The following RPH3A variants were observed in gnomAD, a reference collection of about 807,000 sequenced individuals.
RPH3A encodes the protein rabphilin 3A.
In RPH3A, 48 loss-of-function variants were observed where a neutral mutation model predicts 102.2. That is an observed-to-expected ratio of 0.47 (90% CI 0.37 to 0.60). The LOEUF (loss-of-function observed/expected upper bound fraction) is 0.60, where lower values mean the gene tolerates loss of function less well. Ranked by LOEUF, RPH3A falls within the 20% of genes least tolerant of loss-of-function variation. The pLI is 0.00. For synonymous variants in RPH3A, 310 were observed against 324.3 expected (o/e 0.96, Z 0.47); for missense variants, 781 against 910.1 (o/e 0.86, Z 1.83).
intron 1 of RPH3A, among the ~76,000 whole-genome samples, chr12:112,632,144 C>A (rs1002654110): frequency 4.6e-5 from 7 of 152,148 alleles, no homozygotes; most frequent in African/African-American, 1.4e-4. Context: ...TCTCTCTCTG[C>A]CTGCTGCCAT....
intron 1 of RPH3A, among the ~76,000 whole-genome samples, chr12:112,725,877 C>T (rs1263027067): frequency 6.6e-6 from 1 of 151,686 alleles, no homozygotes; most frequent in Admixed American, 6.6e-5. Flanking sequence ...CTCACTGCAA[C>T]CTCTGCCTCC....
chr12:112,693,990 A>T (rs1033424046), intron 1 of RPH3A, among the ~76,000 whole-genome samples: 10 of 152,138 alleles, frequency 6.6e-5, no homozygotes, highest in African/African-American at 2.4e-4. Flanking sequence ...ATGGCTTTCT[A>T]ACTGGTATCT....
intron 5 of RPH3A, among the ~76,000 whole-genome samples, chr12:112,851,067 A>C (rs1165366341): frequency 6.6e-6 from 1 of 152,190 alleles, no homozygotes; most frequent in African/African-American, 2.4e-5. Context: ...AGTGAAAGCT[A>C]TCTGGGAGAG....
At chr12:112,728,148 A>G (rs2040608347) in intron 1 of RPH3A, among the ~76,000 whole-genome samples, 1 of 152,118 alleles carries the variant, frequency 6.6e-6, no homozygotes, top group African/African-American at 2.4e-5. Flanking sequence ...TTTTTAGTCT[A>G]TTCTAGGTAC....
intron 1 of RPH3A, among the ~76,000 whole-genome samples, chr12:112,598,442 C>G (rs184086463): frequency 4.6e-5 from 7 of 152,208 alleles, no homozygotes; most frequent in Admixed American, 3.3e-4. Flanking sequence ...TTTTTGTCCC[C>G]CTGAATGATA....
At chr12:112,831,155 G>A (rs1453875567) in intron 3 of RPH3A, among the ~76,000 whole-genome samples, 1 of 150,922 alleles carries the variant, frequency 6.6e-6, no homozygotes, top group African/African-American at 2.4e-5. Flanking sequence ...TTGGCCTGTA[G>A]GCTATAGTTT....
rs570681731 is a variant in RPH3A, at chr12:112,770,792, T to C, written c.-139-21351T>C. 4.1e-4 allele frequency among the ~76,000 whole-genome samples: 63 copies of C among 152,354 alleles called. 1 individual carries two copies. The South Asian group carries it at 5.6e-3, about 14-fold the overall frequency. On this transcript the variant is annotated intron_variant, in intron 1 of 21. Coordinates refer to the RPH3A transcript ENST00000543106. ...TGGCAGAAAATATAATTGAACACAA[T>C]TGCATGTTTCACTTGAATGCTTGGG...
intron 2 of RPH3A, among the ~76,000 whole-genome samples, chr12:112,813,720 C>CA (rs1437893262): frequency 1.3e-5 from 2 of 149,906 alleles, no homozygotes; most frequent in South Asian, 2.1e-4. Flanking sequence ...GCTGCAACCT[C>CA]AAAAAAACCC....
rs547290914 is a variant in RPH3A, at chr12:112,847,092, G to A, written c.84-604G>A. On this transcript the variant is annotated intron_variant, in intron 4 of 21. Transcript: ENST00000389385. Reference sequence around the variant, plus strand: ...TACATGAGAGATAATAAGCTGAGGCGGGCACACAGTGGGCATGTGTGAGAG... The same window carrying A: ...TACATGAGAGATAATAAGCTGAGGCAGGCACACAGTGGGCATGTGTGAGAG... Among the ~76,000 whole-genome samples, 7 of 152,270 alleles carry A rather than the reference G, an allele frequency of 4.6e-5. No individual in the cohort carries two copies. The South Asian group carries it at 1.5e-3, about 32-fold the overall frequency.
chr12:112,844,256 C>T lies in RPH3A; in HGVS notation c.84-3440C>T, dbSNP rs529728042. ...CATTATGTTATATAAGACTCTGTCT[C>T]GGGTGACAAGAGCTAGAGATGCTCC... On this transcript the variant is annotated intron_variant, in intron 4 of 21. Transcript: ENST00000389385. 9.9e-4 allele frequency among the ~76,000 whole-genome samples: 151 copies of T among 152,208 alleles called. 1 individual carries two copies. Among genetic ancestry groups the T allele is most frequent in the South Asian group, 5.8e-3 (28 of 4,810 alleles).
chr12:112,798,824 T>A (rs762790839), intron 2 of RPH3A, among the ~76,000 whole-genome samples: 4 of 151,948 alleles, frequency 2.6e-5, no homozygotes, highest in Non-Finnish European at 5.9e-5. Context: ...CAGTCTCTCT[T>A]TTCTCCCCAT....
At chr12:112,673,988 GT>G (rs1404674761) in intron 1 of RPH3A, among the ~76,000 whole-genome samples, 1 of 152,158 alleles carries the variant, frequency 6.6e-6, no homozygotes, top group African/African-American at 2.4e-5. Flanking sequence ...TAAACTCCTG[GT>G]TTCAAGCGAT....
At chr12:112,850,235 G>A (rs1027798833) in intron 5 of RPH3A, among the ~76,000 whole-genome samples, 3 of 152,008 alleles carry the variant, frequency 2.0e-5, no homozygotes, top group African/African-American at 7.2e-5. Flanking sequence ...ATACATCTGA[G>A]TGAGTATTTA....
chr12:112,871,964 T>C (rs59076672), intron 10 of RPH3A, among the ~76,000 whole-genome samples: 3,126 of 151,938 alleles, frequency 0.021, 73 homozygotes, highest in East Asian at 0.056. Context: ...AGTGGGAGTT[T>C]GGTTTATTTC....
At chr12:112,804,669 A>G (rs923251120) in intron 2 of RPH3A, among the ~76,000 whole-genome samples, 5 of 152,170 alleles carry the variant, frequency 3.3e-5, no homozygotes, top group African/African-American at 1.2e-4. Flanking sequence ...CTAGCTGTGC[A>G]GACTTGATTG....
intron 4 of RPH3A, chr12:112,837,907 C>G (rs1487478553): frequency 2.3e-6 from 1 of 441,790 alleles, no homozygotes; most frequent in Non-Finnish European, 4.5e-6. Context: ...TCCTCCCTCC[C>G]TTCCTCCCTC....
intron 1 of RPH3A, among the ~76,000 whole-genome samples, chr12:112,662,255 A>C (rs1181077887): frequency 6.6e-6 from 1 of 152,148 alleles, no homozygotes; most frequent in African/African-American, 2.4e-5. Flanking sequence ...CGTGTCTCCC[A>C]TTTGACTCAC....
intron 4 of RPH3A, among the ~76,000 whole-genome samples, chr12:112,839,951 T>G (rs1177249755): frequency 6.6e-6 from 1 of 151,984 alleles, no homozygotes; most frequent in Non-Finnish European, 1.5e-5. Context: ...ACTGTGCCAC[T>G]GCACTCCAGC....
chr12:112,812,003 T>C (rs1484883413), intron 2 of RPH3A, among the ~76,000 whole-genome samples: 1 of 151,302 alleles, frequency 6.6e-6, no homozygotes, highest in Non-Finnish European at 1.5e-5. Context: ...CTCCGCCTGG[T>C]AGAACCCACC....
Sources: allele counts gnomAD v4.1 joint callset (sites outside exome capture counted in the v4.1 genomes callset), GRCh38; gene constraint gnomAD v4.1.1; transcripts MANE v1.5; gene names NCBI Gene and HGNC (gene_info 2026-07-23, HGNC 2026-07-21).